CSGALNACT1: variants seen among roughly 807,000 people sequenced by gnomAD.
The protein encoded by CSGALNACT1 is beta4GalNAcT-1.
Under a neutral mutation model 51.0 loss-of-function variants are expected in CSGALNACT1, and 52 were observed. That is an observed-to-expected ratio of 1.02 (90% confidence interval 0.82 to 1.29). The LOEUF (loss-of-function observed/expected upper bound fraction) is 1.29. CSGALNACT1 is among the 50% of genes most tolerant of loss of function. The pLI is 0.00. For missense variants in CSGALNACT1, 935 were observed against 679.2 expected (o/e 1.38, Z -4.19); for synonymous variants, 341 against 254.4 (o/e 1.34, Z -3.24).
chr8:19,579,113 T>A (rs994115153), intron 3 of CSGALNACT1, among the ~76,000 whole-genome samples: 8 of 152,194 alleles, frequency 5.3e-5, no homozygotes, highest in African/African-American at 1.9e-4. Flanking sequence ...GTGATAACTT[T>A]CAACCATGAA....
chr8:19,418,869 G>A (rs1240701968), intron 7 of CSGALNACT1, 119 bp from the exon 7 acceptor site: 6 of 734,074 alleles, frequency 8.2e-6, no homozygotes, highest in Middle Eastern at 6.5e-4. Context: ...TTTTCTTTGA[G>A]AGGCAGTCTC....
chr8:19,641,560 G>A (rs928072349), intron 1 of CSGALNACT1, among the ~76,000 whole-genome samples: 35 of 152,238 alleles, frequency 2.3e-4, no homozygotes, highest in African/African-American at 8.2e-4. Flanking sequence ...TCAAAAAGAA[G>A]TACATTGTAA....
At position 19,492,251 on chromosome 8, in the gene CSGALNACT1, C is replaced by G. The variant is rs1184329920; in HGVS notation, c.634+12950G>C. 2.0e-5 allele frequency among the ~76,000 whole-genome samples: 3 copies of G among 152,186 alleles called. No individual in the cohort carries two copies. The East Asian group carries it at 5.8e-4, about 29-fold the overall frequency. On this transcript the variant is annotated intron_variant, in intron 4 of 9. Coordinates refer to ENST00000454498, the Ensembl canonical transcript of CSGALNACT1. Reference sequence around the variant, plus strand: ...CAGCCCTCACAATGAGATCAACCAGCATACTGCTAGGCTATGCCTGGGACA... The same window carrying G: ...CAGCCCTCACAATGAGATCAACCAGGATACTGCTAGGCTATGCCTGGGACA...
chr8:19,473,097 T>C (rs2068585388), intron 4 of CSGALNACT1, among the ~76,000 whole-genome samples: 1 of 152,212 alleles, frequency 6.6e-6, no homozygotes, highest in South Asian at 2.1e-4. Flanking sequence ...TTAAATATGC[T>C]TGAAAGCAGA....
intron 6 of CSGALNACT1, among the ~76,000 whole-genome samples, chr8:19,432,006 A>C (rs1431431792): frequency 6.6e-6 from 1 of 152,046 alleles, no homozygotes; most frequent in Non-Finnish European, 1.5e-5. Flanking sequence ...AAAAAGAGTC[A>C]CAAACAAAAA....
intron 1 of CSGALNACT1, among the ~76,000 whole-genome samples, chr8:19,719,429 GTC>G (rs957763548): frequency 1.8e-4 from 27 of 152,214 alleles, no homozygotes; most frequent in African/African-American, 6.3e-4. Flanking sequence ...TCTTCAATCT[GTC>G]TCTGTTATGA....
chr8:19,405,805 T>A lies in CSGALNACT1; in HGVS notation c.1574A>T (p.Gln525Leu), dbSNP rs752428087. The change falls in exon 10 of 10, where the codon CAG (glutamine) becomes CTG (leucine). Residue 525 changes from glutamine to leucine, a missense_variant. Physicochemically the swap from Gln to Leu is moderately radical, Grantham distance 113. Transcript: ENST00000454498. ...TCATGTTTTTTTGCTACTTGTCTTC[T>A]GTTTCTGTTTGCGAAGGTGAGCCTC... 2.0e-5 allele frequency: 32 copies of A among 1,613,540 alleles called. No homozygotes were observed. The Middle Eastern group carries it at 6.6e-4, about 33-fold the overall frequency.
At chr8:19,716,548 C>A (rs2062816473) in intron 1 of CSGALNACT1, among the ~76,000 whole-genome samples, 1 of 129,834 alleles carries the variant, frequency 7.7e-6, no homozygotes, top group African/African-American at 3.0e-5. Flanking sequence ...GAGGCTGAGG[C>A]AGACAGATCA....
chr8:19,534,824 G>A (rs1382854499), intron 3 of CSGALNACT1, among the ~76,000 whole-genome samples: 1 of 152,168 alleles, frequency 6.6e-6, no homozygotes, highest in Non-Finnish European at 1.5e-5. Flanking sequence ...TCTTGCATTT[G>A]GCAATCTTTT....
chr8:19,482,590 C>T (rs1011646157), intron 4 of CSGALNACT1, among the ~76,000 whole-genome samples: 1 of 152,132 alleles, frequency 6.6e-6, no homozygotes, highest in African/African-American at 2.4e-5. Flanking sequence ...TTTGAGTTAC[C>T]AAATCCTTCT....
intron 5 of CSGALNACT1, among the ~76,000 whole-genome samples, chr8:19,441,288 CG>C (rs2061298430): frequency 6.6e-6 from 1 of 152,040 alleles, no homozygotes; most frequent in Non-Finnish European, 1.5e-5. Flanking sequence ...AGATCAAAGC[CG>C]GAGGCATCAC....
At chr8:19,646,611 C>T (rs190642824) in intron 1 of CSGALNACT1, among the ~76,000 whole-genome samples, 21 of 152,198 alleles carry the variant, frequency 1.4e-4, no homozygotes, top group African/African-American at 4.8e-5. Flanking sequence ...GATAAGGAAA[C>T]GCCACCTTTA....
intron 4 of CSGALNACT1, among the ~76,000 whole-genome samples, chr8:19,483,622 C>G (rs1037900390): frequency 3.3e-5 from 5 of 152,188 alleles, no homozygotes; most frequent in African/African-American, 1.2e-4. Flanking sequence ...AAGAGTGGAT[C>G]TGATGGCCTT....
At chr8:19,659,965 C>T (rs973690304) in intron 1 of CSGALNACT1, among the ~76,000 whole-genome samples, 4 of 152,186 alleles carry the variant, frequency 2.6e-5, no homozygotes, top group African/African-American at 7.2e-5. Flanking sequence ...AGACTCTAGC[C>T]GCTTTCTTTG....
Position 19,673,443 on chromosome 8 carries a change from C to T in CSGALNACT1, c.-544+9030G>A, listed in dbSNP as rs1013101103. ...GAGATCTGGTCACAGCAAACCAAGACGGCAGGGATAATGAGACCAAAGTTG... is the reference window on the plus strand; with the variant it reads ...GAGATCTGGTCACAGCAAACCAAGATGGCAGGGATAATGAGACCAAAGTTG... On this transcript the variant is annotated intron_variant, in intron 1 of 9. Transcript: ENST00000332246. Among the ~76,000 whole-genome samples the T allele has an allele frequency of 3.3e-5, 5 of 152,166 alleles. No homozygotes were observed. The South Asian group carries it at 6.2e-4, about 19-fold the overall frequency.
chr8:19,438,564 A>G (rs968283439), intron 6 of CSGALNACT1, among the ~76,000 whole-genome samples: 7 of 152,244 alleles, frequency 4.6e-5, no homozygotes, highest in African/African-American at 9.6e-5. Flanking sequence ...TTATTGCTTT[A>G]GAGCAGGGAT....
intron 3 of CSGALNACT1, among the ~76,000 whole-genome samples, chr8:19,581,575 C>A (rs144528520): frequency 7.6e-4 from 116 of 152,164 alleles, no homozygotes; most frequent in African/African-American, 2.5e-3. Flanking sequence ...CCACTGCACT[C>A]CAGCCTGGTG....
intron 1 of CSGALNACT1, among the ~76,000 whole-genome samples, chr8:19,752,190 T>C (rs528692435): frequency 2.0e-5 from 3 of 148,334 alleles, no homozygotes; most frequent in Non-Finnish European, 4.5e-5. Flanking sequence ...TCTTATATAA[T>C]ATATACTATA....
chr8:19,534,936 A>C, intron 3 of CSGALNACT1, among the ~76,000 whole-genome samples: 1 of 152,192 alleles, frequency 6.6e-6, no homozygotes, highest in East Asian at 1.9e-4. Context: ...TCCTCCCAGA[A>C]GAAGCTTCAA....
Sources: allele counts gnomAD v4.1 joint callset (sites outside exome capture counted in the v4.1 genomes callset), GRCh38; gene constraint gnomAD v4.1.1; transcripts MANE v1.5; gene names NCBI Gene and HGNC (gene_info 2026-07-23, HGNC 2026-07-21).